The following KAZN variants were observed in gnomAD, a reference collection of about 807,000 sequenced individuals.
KAZN encodes the protein kazrin.
KAZN carries 40 observed loss-of-function variants against 87.4 expected under a neutral mutation model. The ratio of observed to expected loss-of-function variants is 0.46; its 90% CI spans 0.36 to 0.60. The LOEUF is 0.60. Among genes scored for constraint, KAZN ranks in the 20% least tolerant of loss-of-function variants. KAZN has a pLI of 0.00. For missense variants in KAZN, 898 were observed against 1,073.9 expected (o/e 0.84, Z 2.29); for synonymous variants, 466 against 458.3 (o/e 1.02, Z -0.22).
chr1:15,069,704 T>A (rs1639422919), intron 8 of KAZN, among the ~76,000 whole-genome samples: 1 of 152,186 alleles, frequency 6.6e-6, no homozygotes, highest in Admixed American at 6.5e-5. Context: ...ATGGTACCTA[T>A]TAGAAATTGG....
In KAZN at chr1:14,090,943, G is replaced by C. The variant is rs139012794; in HGVS notation, c.92-89492G>C. 3.9e-3 allele frequency among the ~76,000 whole-genome samples: 591 copies of C among 151,718 alleles called. 10 individuals are homozygous for C. In the South Asian group the frequency reaches 0.066, roughly 17 times the overall value. On this transcript the variant is annotated intron_variant, in intron 1 of 16. Transcript: ENST00000636203. ...CCTGGCCAACATGGTGAAACCCTGTGTCTACTAAAAATACAAAAATTAGCT... is the reference window on the plus strand; with the variant it reads ...CCTGGCCAACATGGTGAAACCCTGTCTCTACTAAAAATACAAAAATTAGCT...
rs887079690 is a variant in KAZN, at chr1:14,504,193, T to C, written c.250-94790T>C. ...TTGTAGCTGACAATTACCTTGTCTC[T>C]GAACAACAAGATGGAAACAGACTTG... On this transcript the variant is annotated intron_variant, in intron 2 of 16. Transcript: ENST00000636203. 1.2e-4 allele frequency among the ~76,000 whole-genome samples: 18 copies of C among 152,190 alleles called. 1 individual carries two copies. Among genetic ancestry groups the C allele is most frequent in the Non-Finnish European group, 2.2e-4 (15 of 68,040 alleles).
At chr1:15,078,644 G>A (rs1639861812) in intron 8 of KAZN, among the ~76,000 whole-genome samples, 1 of 152,180 alleles carries the variant, frequency 6.6e-6, no homozygotes, top group Non-Finnish European at 1.5e-5. Context: ...AAAATGGGAA[G>A]AAACCTCCTA....
intron 1 of KAZN, among the ~76,000 whole-genome samples, chr1:14,848,235 C>A (rs1649007236): frequency 6.6e-6 from 1 of 152,012 alleles, no homozygotes; most frequent in African/African-American, 2.4e-5. Flanking sequence ...TTTCTCTGAC[C>A]TTCTCCTTCT....
rs149010065 is a variant in KAZN at position 14,385,159 on chromosome 1, G to A, written c.249+204567G>A. On this transcript the variant is annotated intron_variant, in intron 2 of 16. Coordinates refer to the KAZN transcript ENST00000636203. ...TTTGTATTTCTGTGGGATCAGTGGT[G>A]ATAACCCCTTTATCATTTTTTATTT... is the stretch of plus-strand genomic sequence containing the variant. 5.1e-3 allele frequency among the ~76,000 whole-genome samples: 781 copies of A among 152,202 alleles called. 8 individuals carry two copies. Among genetic ancestry groups the A allele is most frequent in the African/African-American group, 0.018 (741 of 41,542 alleles).
intron 2 of KAZN, among the ~76,000 whole-genome samples, chr1:14,555,280 G>A (rs1352257452): frequency 6.6e-6 from 1 of 152,206 alleles, no homozygotes; most frequent in Non-Finnish European, 1.5e-5. Flanking sequence ...TTTAGGAAGT[G>A]ACTCAAGGCA....
intron 1 of KAZN, among the ~76,000 whole-genome samples, chr1:14,799,594 C>T (rs1023507387): frequency 1.3e-5 from 2 of 152,148 alleles, no homozygotes; most frequent in African/African-American, 2.4e-5. Flanking sequence ...CGGGCCTGGC[C>T]AGAGCCAGCT....
intron 1 of KAZN, among the ~76,000 whole-genome samples, chr1:14,739,862 G>A (rs916526453): frequency 2.0e-5 from 3 of 152,076 alleles, no homozygotes; most frequent in African/African-American, 7.2e-5. Context: ...CCCTTCAGGA[G>A]GGTTTGTATC....
intron 1 of KAZN, among the ~76,000 whole-genome samples, chr1:14,063,642 A>G (rs10733143): frequency 0.52 from 78,385 of 151,854 alleles, 20,510 homozygotes; most frequent in East Asian, 0.66. Context: ...GGACTTATAT[A>G]GAGGTTTCAG....
chr1:14,664,811 G>A (rs901135459), intron 1 of KAZN, among the ~76,000 whole-genome samples: 2 of 151,776 alleles, frequency 1.3e-5, no homozygotes, highest in Non-Finnish European at 1.5e-5. Context: ...CCACCACCAC[G>A]CCTGGCTAAT....
At chr1:14,935,782 C>G (rs775409944) in intron 1 of KAZN, among the ~76,000 whole-genome samples, 48 of 152,264 alleles carry the variant, frequency 3.2e-4, no homozygotes, top group Admixed American at 7.2e-4. Context: ...GGATGTGTCA[C>G]TAGATGGTCT....
intron 1 of KAZN, among the ~76,000 whole-genome samples, chr1:14,731,095 A>C (rs1643657934): frequency 6.6e-6 from 1 of 152,204 alleles, no homozygotes. Flanking sequence ...CAGCCCTTAA[A>C]ACAAAATGGG....
chr1:14,718,163 C>G (rs4661516), intron 1 of KAZN, among the ~76,000 whole-genome samples: 37,756 of 152,212 alleles, frequency 0.25, 5,870 homozygotes, highest in African/African-American at 0.43. Flanking sequence ...GCTTCATGCT[C>G]TCTCTTCCAG....
chr1:15,073,630 C>A (rs1639613982), intron 8 of KAZN, among the ~76,000 whole-genome samples: 1 of 152,158 alleles, frequency 6.6e-6, no homozygotes, highest in Non-Finnish European at 1.5e-5. Context: ...CAGAAGCCTG[C>A]AGCAGCACCC....
intron 1 of KAZN, among the ~76,000 whole-genome samples, chr1:13,992,289 C>CTTTA (rs71576052): frequency 0.15 from 22,736 of 151,908 alleles, 1,804 homozygotes; most frequent in Middle Eastern, 0.2. Flanking sequence ...ATTTATGAAT[C>CTTTA]TTTATTTTTT....
chr1:14,647,726 C>A (rs150276832), intron 1 of KAZN, among the ~76,000 whole-genome samples: 2 of 152,262 alleles, frequency 1.3e-5, no homozygotes, highest in African/African-American at 4.8e-5. Flanking sequence ...TTATTTGACC[C>A]CTTCTACTTT....
At chr1:14,775,190 G>A (rs1010005862) in intron 1 of KAZN, among the ~76,000 whole-genome samples, 1 of 152,242 alleles carries the variant, frequency 6.6e-6, no homozygotes, top group Non-Finnish European at 1.5e-5. Context: ...GATGCAGAGA[G>A]TGAGGGCCAA....
intron 2 of KAZN, among the ~76,000 whole-genome samples, chr1:14,583,558 G>A (rs1334641950): frequency 1.3e-5 from 2 of 152,208 alleles, no homozygotes; most frequent in African/African-American, 4.8e-5. Flanking sequence ...TGGAGGCAAA[G>A]GAGCTGGGAT....
intron 2 of KAZN, among the ~76,000 whole-genome samples, chr1:14,277,684 A>G (rs549412365): frequency 6.6e-6 from 1 of 151,650 alleles, no homozygotes; most frequent in East Asian, 1.9e-4. Flanking sequence ...AAAAGAAAAA[A>G]GAAAGAACAG....
Sources: allele counts gnomAD v4.1 joint callset (sites outside exome capture counted in the v4.1 genomes callset), GRCh38; gene constraint gnomAD v4.1.1; transcripts MANE v1.5; gene names NCBI Gene and HGNC (gene_info 2026-07-23, HGNC 2026-07-21).